SGK3: variants seen among roughly 807,000 people sequenced by gnomAD.
SGK3 encodes serum/glucocorticoid regulated kinase family member 3.
SGK3 carries 47 observed loss-of-function variants against 68.5 expected under a neutral mutation model. That is an observed-to-expected ratio of 0.69 (90% confidence interval 0.54 to 0.87). SGK3 has a LOEUF of 0.87. Ranked by LOEUF, SGK3 falls within the 40% of genes least tolerant of loss-of-function variation. SGK3 has a pLI of 0.00. For synonymous variants in SGK3, 181 were observed against 189.1 expected (o/e 0.96, Z 0.35); for missense variants, 479 against 575.5 (o/e 0.83, Z 1.72).
At chr8:66,744,342 A>G (rs976203088) in intron 1 of SGK3, among the ~76,000 whole-genome samples, 4 of 150,606 alleles carry the variant, frequency 2.7e-5, no homozygotes, top group African/African-American at 9.7e-5. Context: ...AGCTTCTAAT[A>G]TCTTCTTTTT....
At chr8:66,834,500 T>TTTTGTTTTGTTTTG (rs1563651876) in intron 8 of SGK3, among the ~76,000 whole-genome samples, 1 of 146,692 alleles carries the variant, frequency 6.8e-6, no homozygotes, top group African/African-American at 2.7e-5. Flanking sequence ...GTTTTGTTTT[T>TTTTGTTTTGTTTTG]TTGAACTGCA....
intron 7 of SGK3, 36 bp from the exon 8 acceptor site, chr8:66,831,218 T>C: frequency 6.2e-7 from 1 of 1,607,166 alleles, no homozygotes; most frequent in Non-Finnish European, 8.5e-7. Context: ...ATTTCCAATT[T>C]CTAGGAGGCT....
intron 13 of SGK3, 138 bp downstream of exon 13, chr8:66,841,248 T>C: frequency 1.6e-6 from 1 of 617,146 alleles, no homozygotes; most frequent in East Asian, 3.3e-5. Context: ...TGGAAATACC[T>C]GATAATCATG....
At chr8:66,826,207 G>A (rs1038811784) in intron 6 of SGK3, among the ~76,000 whole-genome samples, 3 of 151,954 alleles carry the variant, frequency 2.0e-5, no homozygotes. Flanking sequence ...TCTTGACCTC[G>A]TGATCCACCC....
intron 1 of SGK3, among the ~76,000 whole-genome samples, chr8:66,792,934 G>A (rs1479767301): frequency 1.3e-5 from 2 of 152,208 alleles, no homozygotes; most frequent in African/African-American, 4.8e-5. Flanking sequence ...GTATTATTTG[G>A]TGTCATGTGG....
chr8:66,826,449 G>A (rs1809060316), intron 6 of SGK3, among the ~76,000 whole-genome samples: 3 of 151,908 alleles, frequency 2.0e-5, no homozygotes, highest in Admixed American at 2.0e-4. Context: ...TGATTATTTT[G>A]TAGCAGTTAC....
At chr8:66,829,604 C>A (rs1467942116) in intron 7 of SGK3, among the ~76,000 whole-genome samples, 1 of 152,164 alleles carries the variant, frequency 6.6e-6, no homozygotes, top group African/African-American at 2.4e-5. Context: ...TGAAAATTGA[C>A]CACTGGATTT....
chr8:66,802,922 T>G (rs558466337), intron 3 of SGK3, among the ~76,000 whole-genome samples: 1 of 152,300 alleles, frequency 6.6e-6, no homozygotes, highest in Admixed American at 6.5e-5. Flanking sequence ...CCACCATAAT[T>G]TTGACACAAA....
At chr8:66,833,675 A>G (rs1809393105) in intron 8 of SGK3, among the ~76,000 whole-genome samples, 1 of 152,120 alleles carries the variant, frequency 6.6e-6, no homozygotes, top group African/African-American at 2.4e-5. Flanking sequence ...TTTTCCCAAT[A>G]CTATTTTGTG....
intron 1 of SGK3, among the ~76,000 whole-genome samples, chr8:66,720,927 CAG>C (rs987074716): frequency 6.6e-6 from 1 of 151,996 alleles, no homozygotes; most frequent in African/African-American, 2.4e-5. Flanking sequence ...GCTTGGGTGA[CAG>C]AGTGAGACCC....
At chr8:66,807,207 A>C (rs920248898) in intron 4 of SGK3, among the ~76,000 whole-genome samples, 17 of 152,174 alleles carry the variant, frequency 1.1e-4, no homozygotes, top group African/African-American at 4.1e-4. Flanking sequence ...AGGAGAGATA[A>C]TTGGAGGGTC....
rs1408707617 is a variant in SGK3, at chr8:66,851,379, G to A, written c.1320+459G>A. Among the ~76,000 whole-genome samples the A allele has an allele frequency of 4.6e-5, 7 of 152,162 alleles. 1 individual carries two copies. The highest frequency in any genetic ancestry group is 4.1e-4 in the South Asian group (2 of 4,820). On this transcript the variant is annotated intron_variant, in intron 16 of 16. Transcript: ENST00000521198. ...AAATACAAAAAAAAATTATCCGGGT[G>A]TGGTGATGCATGCCTTTACACTCCC...
At chr8:66,774,803 C>G (rs977995336) in intron 1 of SGK3, among the ~76,000 whole-genome samples, 3 of 152,136 alleles carry the variant, frequency 2.0e-5, no homozygotes, top group African/African-American at 4.8e-5. Context: ...CTAATGACGT[C>G]TCACGCCTGG....
intron 3 of SGK3, among the ~76,000 whole-genome samples, chr8:66,799,955 ATGT>A (rs1327234356): frequency 6.6e-6 from 1 of 152,124 alleles, no homozygotes; most frequent in African/African-American, 2.4e-5. Context: ...CTCTGCTCTC[ATGT>A]AATAGTAAAT....
At chr8:66,807,766 G>T (rs1365197369) in intron 4 of SGK3, among the ~76,000 whole-genome samples, 1 of 152,154 alleles carries the variant, frequency 6.6e-6, no homozygotes, top group African/African-American at 2.4e-5. Context: ...CTTTGGCCAA[G>T]AAATCACATT....
chr8:66,789,410 C>G (rs1807345059), intron 1 of SGK3, among the ~76,000 whole-genome samples: 2 of 152,186 alleles, frequency 1.3e-5, no homozygotes, highest in African/African-American at 4.8e-5. Flanking sequence ...TCTTCATGGC[C>G]TTTTCTCCCA....
chr8:66,808,428 A>C (rs1808248506), intron 4 of SGK3, among the ~76,000 whole-genome samples: 2 of 152,202 alleles, frequency 1.3e-5, no homozygotes, highest in African/African-American at 2.4e-5. Context: ...TCTGTGATTA[A>C]TGTTACTGTC....
chr8:66,840,631 A>G lies in SGK3; in HGVS notation c.891+384A>G, dbSNP rs375038848. On this transcript the variant is annotated intron_variant, in intron 12 of 16. Coordinates refer to ENST00000521198, the MANE Select transcript of SGK3 (RefSeq NM_001033578.3). ...CTATTTTGCAATTTCATATGGATCTATAATTATGTCAAAATAAAAGGAGTT... is the reference window on the plus strand; with the variant it reads ...CTATTTTGCAATTTCATATGGATCTGTAATTATGTCAAAATAAAAGGAGTT... 10 of 208,120 alleles carry G rather than the reference A, an allele frequency of 4.8e-5. No individual in the cohort carries two copies. The East Asian group carries it at 9.3e-4, about 19-fold the overall frequency. The allele number at this position is 208,120 out of a possible 1,614,324, so 12.9% of individuals were successfully genotyped here. A position where few individuals can be genotyped will look rare whatever the true frequency, so the allele number is the denominator to read the frequency against.
At chr8:66,795,336 C>T (rs1232211431) in intron 2 of SGK3, among the ~76,000 whole-genome samples, 2 of 152,208 alleles carry the variant, frequency 1.3e-5, no homozygotes, top group Non-Finnish European at 2.9e-5. Context: ...ACCATTGACC[C>T]CTTCTCAGCC....
Sources: allele counts gnomAD v4.1 joint callset (sites outside exome capture counted in the v4.1 genomes callset), GRCh38; gene constraint gnomAD v4.1.1; transcripts MANE v1.5; gene names NCBI Gene and HGNC (gene_info 2026-07-23, HGNC 2026-07-21).